The following STXBP4 variants were observed in gnomAD, a reference collection of about 807,000 sequenced individuals.
The protein encoded by STXBP4 is syntaxin binding protein 4.
STXBP4 carries 55 observed loss-of-function variants against 76.1 expected under a neutral mutation model. The observed-to-expected ratio is 0.72, with a 90% CI of 0.58 to 0.91. The LOEUF (loss-of-function observed/expected upper bound fraction) is 0.91. Among genes scored for constraint, STXBP4 ranks in the 40% least tolerant of loss-of-function variants. STXBP4 has a pLI of 0.00. For synonymous variants in STXBP4, 201 were observed against 220.2 expected (o/e 0.91, Z 0.77); for missense variants, 618 against 636.9 (o/e 0.97, Z 0.32).
At chr17:55,075,289 CTA>C (rs2079167772) in intron 13 of STXBP4, among the ~76,000 whole-genome samples, 1 of 152,084 alleles carries the variant, frequency 6.6e-6, no homozygotes, top group African/African-American at 2.4e-5. Flanking sequence ...GAAATATACT[CTA>C]TGTATCATTC....
chr17:54,974,348 T>G (rs1401941710), intron 1 of STXBP4, among the ~76,000 whole-genome samples: 1 of 152,260 alleles, frequency 6.6e-6, no homozygotes, highest in Non-Finnish European at 1.5e-5. Context: ...TTCCAATTAG[T>G]GCACAATAAT....
the STXBP4 span, among the ~76,000 whole-genome samples, chr17:55,204,813 A>AACAC: frequency 2.4e-3 from 178 of 73,136 alleles, 1 homozygote; most frequent in African/African-American, 9.6e-3. Context: ...TTCAAGATTA[A>AACAC]ACACACACAC....
At chr17:55,181,509 A>G in the STXBP4 span, among the ~76,000 whole-genome samples, 9 of 152,312 alleles carry the variant, frequency 5.9e-5, no homozygotes, top group African/African-American at 2.2e-4. Flanking sequence ...TTCACAGCCC[A>G]AGCCTGAACT....
In STXBP4 at chr17:55,166,984, A is replaced by T. The variant is rs1475729755; in HGVS notation, c.*7073A>T. On this transcript the variant is annotated 3_prime_UTR_variant, in exon 18 of 18. Coordinates refer to ENST00000376352, the MANE Select transcript of STXBP4 (RefSeq NM_178509.6). ...GGTGAGTAAATCAGGTGGAGGTGGG[A>T]AGGAAATGGGAAAACAGAATACTGG... The T allele has an allele frequency of 6.6e-6, 1 of 152,176 alleles. No individual in the cohort carries two copies. Among genetic ancestry groups the T allele is most frequent in the Non-Finnish European group, 1.5e-5 (1 of 68,062 alleles). 9.4% of individuals were successfully genotyped at this position (152,176 alleles called of 1,614,324 possible).
chr17:55,025,852 T>C (rs2078402329), intron 8 of STXBP4, among the ~76,000 whole-genome samples: 2 of 152,178 alleles, frequency 1.3e-5, no homozygotes, highest in Admixed American at 1.3e-4. Flanking sequence ...ACTATCTCTA[T>C]TCCCAGATGA....
intron 1 of STXBP4, among the ~76,000 whole-genome samples, chr17:54,981,601 T>C (rs951426688): frequency 6.6e-6 from 1 of 152,102 alleles, no homozygotes; most frequent in Admixed American, 6.6e-5. Context: ...AATGAAACCA[T>C]AAGAGTACTG....
At chr17:54,989,169 A>T (rs1382838688) in intron 3 of STXBP4, among the ~76,000 whole-genome samples, 2 of 152,176 alleles carry the variant, frequency 1.3e-5, no homozygotes, top group African/African-American at 4.8e-5. Flanking sequence ...GTGCAGTGGC[A>T]CGATCTTGGC....
intron 4 of STXBP4, among the ~76,000 whole-genome samples, chr17:54,997,610 A>AT (rs2077831684): frequency 1.8e-4 from 26 of 146,072 alleles, no homozygotes; most frequent in African/African-American, 6.2e-4. Flanking sequence ...TTATATATAT[A>AT]TATATTTTTT....
intron 15 of STXBP4, among the ~76,000 whole-genome samples, 163 bp from the exon 16 acceptor site, chr17:55,080,887 A>C (rs1484261902): frequency 6.6e-6 from 1 of 152,168 alleles, no homozygotes; most frequent in African/African-American, 2.4e-5. Flanking sequence ...GAAAACAGAA[A>C]TATTGTTTTA....
chr17:55,187,898 G>A, the STXBP4 span, among the ~76,000 whole-genome samples: 3 of 152,214 alleles, frequency 2.0e-5, no homozygotes, highest in Non-Finnish European at 4.4e-5. Context: ...GAAGAGCCCA[G>A]AAAGCTTAAA....
At chr17:55,176,989 G>T (rs78737682), downstream of STXBP4, among the ~76,000 whole-genome samples, 3,437 of 151,892 alleles carry the variant, frequency 0.023, 133 homozygotes, top group African/African-American at 0.078. Flanking sequence ...TCTCATCATT[G>T]GCCCCCACCA....
chr17:55,137,119 C>T (rs566400769), intron 16 of STXBP4, among the ~76,000 whole-genome samples: 6 of 152,190 alleles, frequency 3.9e-5, no homozygotes, highest in South Asian at 4.1e-4. Flanking sequence ...TACTTTCCCA[C>T]GGTTATTCAA....
the STXBP4 span, among the ~76,000 whole-genome samples, chr17:55,200,990 ATTT>A: frequency 6.6e-6 from 1 of 152,002 alleles, no homozygotes; most frequent in Non-Finnish European, 1.5e-5. Context: ...ACTCATCCAT[ATTT>A]TTTTGTCTCT....
In STXBP4 at chr17:55,113,600, GC is replaced by G. The variant is rs1372086810; in HGVS notation, c.1490-27708del. On this transcript the variant is annotated intron_variant, in intron 16 of 17. Coordinates refer to ENST00000376352, the MANE Select transcript of STXBP4 (RefSeq NM_178509.6). The stretch of plus-strand genomic sequence containing the variant: ...TCATAAGAGGGAAAATGTTAGTTAG[GC>G]CAGCAATATTTTTATTTTATTTTCT... Among the ~76,000 whole-genome samples the G allele has an allele frequency of 6.6e-5, 10 of 151,980 alleles. 1 individual carries two copies. The Middle Eastern group carries it at 0.024, about 362-fold the overall frequency.
chr17:55,182,009 A>C, the STXBP4 span, among the ~76,000 whole-genome samples: 1 of 152,226 alleles, frequency 6.6e-6, no homozygotes, highest in Non-Finnish European at 1.5e-5. Context: ...TCAGTCCCTG[A>C]AACTGGATCA....
At chr17:55,044,803 C>T (rs1412194976) in intron 11 of STXBP4, 1 of 151,832 alleles carries the variant, frequency 6.6e-6, no homozygotes, top group Non-Finnish European at 1.5e-5. Context: ...ATTTTCACTT[C>T]TATGTAAGTC....
At chr17:55,211,330 C>T in the STXBP4 span, among the ~76,000 whole-genome samples, 1 of 152,132 alleles carries the variant, frequency 6.6e-6, no homozygotes, top group Non-Finnish European at 1.5e-5. Context: ...ACCTCCACCT[C>T]CCGGGTTCAA....
intron 1 of STXBP4, among the ~76,000 whole-genome samples, chr17:54,970,734 C>A (rs2077386862): frequency 2.0e-5 from 3 of 152,218 alleles, no homozygotes; most frequent in Non-Finnish European, 2.9e-5. Context: ...GGCACCCCTT[C>A]TTTGTAGCTC....
chr17:55,004,337 G>A (rs2077969495), intron 7 of STXBP4, among the ~76,000 whole-genome samples: 1 of 152,148 alleles, frequency 6.6e-6, no homozygotes, highest in Non-Finnish European at 1.5e-5. Flanking sequence ...ATGGTATTAA[G>A]CAAATTGTAT....
Sources: allele counts gnomAD v4.1 joint callset (sites outside exome capture counted in the v4.1 genomes callset), GRCh38; gene constraint gnomAD v4.1.1; transcripts MANE v1.5; gene names NCBI Gene and HGNC (gene_info 2026-07-23, HGNC 2026-07-21).